The following VPS8 variants were observed in gnomAD, a reference collection of about 807,000 sequenced individuals.
The protein encoded by VPS8 is vacuolar protein sorting-associated protein 8 homolog.
Under a neutral mutation model 216.4 loss-of-function variants are expected in VPS8, and 129 were observed. The observed-to-expected ratio is 0.60, with a 90% CI of 0.52 to 0.69. The LOEUF (loss-of-function observed/expected upper bound fraction) is 0.69. VPS8 is among the 30% of genes least tolerant of loss of function. The pLI is 0.00. For synonymous variants in VPS8, 571 were observed against 565.4 expected, an observed-to-expected ratio of 1.01 and a Z score of -0.14; for missense variants, 1,531 against 1,683.5, an observed-to-expected ratio of 0.91 and a Z score of 1.59.
chr3:184,886,340 G>C (rs1731224384), intron 22 of VPS8, among the ~76,000 whole-genome samples, 184 bp downstream of exon 22: 1 of 152,188 alleles, frequency 6.6e-6, no homozygotes, highest in Non-Finnish European at 1.5e-5. Context: ...TAAGACAGAT[G>C]CTATGGATAT....
chr3:184,992,064 T>C (rs1018201278), intron 42 of VPS8, among the ~76,000 whole-genome samples: 2 of 152,204 alleles, frequency 1.3e-5, no homozygotes, highest in African/African-American at 4.8e-5. Flanking sequence ...GAGAAACCTC[T>C]GGCAGACAGT....
At chr3:184,838,889 CATTT>C (rs1439201171) in intron 6 of VPS8, 143 bp downstream of exon 6, 10 of 634,366 alleles carry the variant, frequency 1.6e-5, no homozygotes, top group African/African-American at 1.5e-4. Context: ...TCAGGTTTAA[CATTT>C]ATCCATGTTG....
chr3:185,025,540 A>G (rs946319144), intron 46 of VPS8, among the ~76,000 whole-genome samples: 8 of 152,230 alleles, frequency 5.3e-5, no homozygotes, highest in African/African-American at 7.2e-5. Flanking sequence ...GAGAATAAAA[A>G]CAAAATATGT....
chr3:185,024,269 G>C (rs1055087546), intron 45 of VPS8, 67 bp from the exon 46 acceptor site: 3 of 1,369,790 alleles, frequency 2.2e-6, no homozygotes, highest in African/African-American at 2.9e-5. Flanking sequence ...GAATTATTTT[G>C]AATGTGGGTC....
chr3:184,935,629 G>A lies in VPS8; in HGVS notation c.2899-617G>A, dbSNP rs192869841. Among the ~76,000 whole-genome samples, 6 of 152,298 alleles carry A rather than the reference G, an allele frequency of 3.9e-5. No individual in the cohort carries two copies. The East Asian group carries it at 1.2e-3, about 29-fold the overall frequency. On this transcript the variant is annotated intron_variant, in intron 34 of 47. Coordinates refer to ENST00000625842, the MANE Select transcript of VPS8 (RefSeq NM_001009921.3). ...AGGTGACAGAAACCAAGTAAGAAGA[G>A]AGTTTTAAAAAGAAAAGGATAGTCA...
chr3:184,904,088 A>G (rs767458208), intron 25 of VPS8, among the ~76,000 whole-genome samples: 49 of 152,274 alleles, frequency 3.2e-4, no homozygotes, highest in Non-Finnish European at 5.4e-4. Flanking sequence ...TTGATCTTGT[A>G]TCCTACGTCC....
At chr3:184,871,302 G>GCA (rs1315095142) in intron 21 of VPS8, among the ~76,000 whole-genome samples, 13 of 107,014 alleles carry the variant, frequency 1.2e-4, no homozygotes, top group Non-Finnish European at 6.9e-5. Flanking sequence ...AAAGAACAAT[G>GCA]TAGACGTGTA....
chr3:184,879,085 A>T (rs1209025582), intron 21 of VPS8, among the ~76,000 whole-genome samples: 1 of 152,224 alleles, frequency 6.6e-6, no homozygotes, highest in African/African-American at 2.4e-5. Flanking sequence ...TTTCTTTTCA[A>T]ATCATCCCAT....
At chr3:185,027,799 C>T (rs1757599435) in intron 46 of VPS8, among the ~76,000 whole-genome samples, 1 of 152,166 alleles carries the variant, frequency 6.6e-6, no homozygotes, top group Admixed American at 6.6e-5. Flanking sequence ...TTAGAATCGG[C>T]ATCAGGCAAA....
At chr3:185,009,691 CT>C (rs1219846710) in intron 45 of VPS8, among the ~76,000 whole-genome samples, 3 of 152,034 alleles carry the variant, frequency 2.0e-5, no homozygotes, top group Non-Finnish European at 2.9e-5. Context: ...ATAGTGACCC[CT>C]GAAAGATAAG....
At chr3:184,951,357 C>T (rs1166744072) in intron 36 of VPS8, among the ~76,000 whole-genome samples, 1 of 151,926 alleles carries the variant, frequency 6.6e-6, no homozygotes, top group African/African-American at 2.4e-5. Context: ...TAGTGCCCCA[C>T]ACCTATAGTC....
At chr3:184,906,564 A>G (rs568323005) in intron 25 of VPS8, among the ~76,000 whole-genome samples, 1 of 152,308 alleles carries the variant, frequency 6.6e-6, no homozygotes, top group South Asian at 2.1e-4. Flanking sequence ...TAATTGAAGG[A>G]CTATGATTAC....
At chr3:184,987,700 G>T (rs1577072290) in intron 42 of VPS8, among the ~76,000 whole-genome samples, 2 of 152,242 alleles carry the variant, frequency 1.3e-5, no homozygotes, top group Admixed American at 1.3e-4. Context: ...ACATTCATAT[G>T]CAGGCTTTTT....
At chr3:184,874,125 G>A (rs566119027) in intron 21 of VPS8, among the ~76,000 whole-genome samples, 1 of 151,542 alleles carries the variant, frequency 6.6e-6, no homozygotes, top group Middle Eastern at 3.4e-3. Flanking sequence ...CATCCCCAGT[G>A]TGAATTGTGA....
In VPS8 at chr3:184,950,216, C is replaced by CTTTTTTT. The variant is rs10700220; in HGVS notation, c.3036-7136_3036-7130dup. On this transcript the variant is annotated intron_variant, in intron 36 of 47. Coordinates refer to ENST00000625842, the MANE Select transcript of VPS8 (RefSeq NM_001009921.3). ...AGCAACCACGCCCAGCAGTTTTCTG[C>CTTTTTTT]TTTTTTTTTTTTTTTTTTTTTTTTT... Among the ~76,000 whole-genome samples the CTTTTTTT allele has an allele frequency of 3.5e-3, 138 of 39,926 alleles. 39 individuals are homozygous for CTTTTTTT. Among genetic ancestry groups the CTTTTTTT allele is most frequent in the South Asian group, 6.1e-3 (3 of 492 alleles). 26.2% of individuals were successfully genotyped at this position (39,926 alleles called of 152,430 possible). A position where few individuals can be genotyped will look rare whatever the true frequency, so the allele number is the denominator to read the frequency against.
chr3:184,994,055 T>G lies in VPS8; in HGVS notation c.3658T>G (p.Tyr1220Asp). The change falls in exon 43 of 48, where the codon TAT (tyrosine) becomes GAT (aspartate). Residue 1220 changes from tyrosine to aspartate, a missense_variant. Physicochemically the swap from Tyr to Asp is radical, Grantham distance 160. This residue lies in a region of VPS8 where 1,318 missense variants were observed against 1,468.4 expected (regional missense o/e 0.90). Transcript: ENST00000625842. ...LILGMLDTFN[Y>D]EQTLLETTTS... is the part of the protein sequence containing the mutation. The stretch of plus-strand genomic sequence containing the variant: ...CTTGGGAATGTTAGATACCTTTAAC[T>G]ATGAACAAGTAAGTAAGCTACTTGT... 3 of 1,551,058 alleles carry G rather than the reference T, an allele frequency of 1.9e-6. No individual in the cohort carries two copies. Among genetic ancestry groups the G allele is most frequent in the Non-Finnish European group, 2.6e-6 (3 of 1,149,566 alleles).
At chr3:184,966,794 A>T in intron 39 of VPS8, 81 bp downstream of exon 39, 2 of 1,072,214 alleles carry the variant, frequency 1.9e-6, no homozygotes, top group Non-Finnish European at 2.7e-6. Flanking sequence ...TGCATTTATT[A>T]TGTAATAATT....
Position 184,824,704 on chromosome 3 carries a change from T to C in VPS8, c.72T>C (p.Asn24=), listed in dbSNP as rs750451292. ...CCAAGACGAGCGAAGAAGAGCTGAA[T>C]AAGTCTTTCAATCTAGAAGCTTCAC... is the stretch of plus-strand genomic sequence containing the variant. ...LCAKTSEEEL[N]KSFNLEASLS... Residue 24 remains asparagine (N), a synonymous_variant, in exon 2 of 48, where the codon AAT becomes AAC. Transcript: ENST00000625842. 2.5e-6 allele frequency: 4 copies of C among 1,613,810 alleles called. No homozygotes were observed. The highest frequency in any genetic ancestry group is 2.7e-5 in the African/African-American group (2 of 74,900).
chr3:185,029,864 C>T (rs1757874687), intron 46 of VPS8, among the ~76,000 whole-genome samples: 1 of 152,112 alleles, frequency 6.6e-6, no homozygotes, highest in Non-Finnish European at 1.5e-5. Context: ...ACGCCCTGCC[C>T]ACAACACGTA....
Sources: allele counts gnomAD v4.1 joint callset (sites outside exome capture counted in the v4.1 genomes callset), GRCh38; gene constraint gnomAD v4.1.1; regional missense constraint gnomAD v4.1.1; transcripts MANE v1.5; gene names NCBI Gene and HGNC (gene_info 2026-07-23, HGNC 2026-07-21).